Variants in UBE2R2 observed in about 807,000 individuals in gnomAD.
UBE2R2 encodes ubiquitin-conjugating enzyme E2 R2.
UBE2R2 carries 1 observed loss-of-function variant against 27.8 expected under a neutral mutation model. That is an observed-to-expected ratio of 0.04 (90% CI 0.01 to 0.17). UBE2R2 has a LOEUF of 0.17. Among genes scored for constraint, UBE2R2 ranks in the 10% least tolerant of loss-of-function variants. The probability of loss-of-function intolerance (pLI) is 1.00; values close to 1 mark genes in which losing one functional copy is unlikely to be tolerated. For synonymous variants in UBE2R2, 106 were observed against 113.3 expected (o/e 0.94, Z 0.41); for missense variants, 100 against 291.0 (o/e 0.34, Z 4.78).
At chr9:33,897,780 T>C (rs1013590116) in intron 2 of UBE2R2, among the ~76,000 whole-genome samples, 19 of 149,674 alleles carry the variant, frequency 1.3e-4, no homozygotes, top group Admixed American at 1.0e-3. Context: ...TTTTTCTTTT[T>C]TTTTTTTTTT....
At chr9:33,878,987 T>C (rs1338632750) in intron 1 of UBE2R2, among the ~76,000 whole-genome samples, 2 of 152,000 alleles carry the variant, frequency 1.3e-5, no homozygotes, top group Non-Finnish European at 2.9e-5. Flanking sequence ...CTACACAGAG[T>C]ACCCAGCATT....
rs201092112 is a variant in UBE2R2, at chr9:33,820,104, CAAACA to C, written c.177+2190_177+2194del. 2.7e-3 allele frequency among the ~76,000 whole-genome samples: 405 copies of C among 152,116 alleles called. 4 individuals are homozygous for C. The highest frequency in any genetic ancestry group is 6.6e-3 in the African/African-American group (273 of 41,502). ...ACTCCAATAAAGTTAAAAACAAGAGCAAACAAAACAAAACAAAACAAAACTTGTAC... is the reference window on the plus strand; with the variant it reads ...ACTCCAATAAAGTTAAAAACAAGAGCAAACAAAACAAAACAAAACTTGTAC... On this transcript the variant is annotated intron_variant, in intron 1 of 4. Transcript: ENST00000263228.
chr9:33,912,009 C>A lies in UBE2R2; in HGVS notation c.408C>A (p.Thr136=). 1 of 1,613,890 alleles carries A rather than the reference C, an allele frequency of 6.2e-7. No homozygotes were observed. The highest frequency in any genetic ancestry group is 8.5e-7 in the Non-Finnish European group (1 of 1,179,916). Residue 136 remains threonine, a synonymous_variant, in exon 4 of 5, where the codon ACC becomes ACA. Coordinates refer to ENST00000263228, the MANE Select transcript of UBE2R2 (RefSeq NM_017811.4). ...SVISLLNEPN[T]FSPANVDASV... is the part of the protein sequence containing the mutation. ...TCTCACTGCTTAATGAGCCCAACAC[C>A]TTCTCCCCAGCCAATGTCGATGCTT...
intron 1 of UBE2R2, among the ~76,000 whole-genome samples, chr9:33,876,506 A>G (rs142164434): frequency 3.2e-4 from 48 of 152,334 alleles, no homozygotes; most frequent in African/African-American, 1.1e-3. Context: ...TGAGGATTGT[A>G]AACTCCGCTG....
chr9:33,832,684 A>G (rs1248952861), intron 1 of UBE2R2, among the ~76,000 whole-genome samples: 1 of 151,852 alleles, frequency 6.6e-6, no homozygotes, highest in Non-Finnish European at 1.5e-5. Context: ...AAAGAAAGAA[A>G]GAAATTATTT....
intron 1 of UBE2R2, among the ~76,000 whole-genome samples, chr9:33,818,260 C>T (rs1563977500): frequency 6.6e-6 from 1 of 151,774 alleles, no homozygotes; most frequent in African/African-American, 2.4e-5. Context: ...GAGCGGTGGT[C>T]TATCTGTGCT....
chr9:33,899,242 G>A (rs924014985), intron 2 of UBE2R2, among the ~76,000 whole-genome samples: 1 of 151,858 alleles, frequency 6.6e-6, no homozygotes, highest in East Asian at 1.9e-4. Context: ...GAGTCTCATT[G>A]TGTTGCCCAG....
Position 33,853,717 on chromosome 9 carries a change from A to G in UBE2R2, c.178-33164A>G, listed in dbSNP as rs1347708257. Among the ~76,000 whole-genome samples, 4 of 149,082 alleles carry G rather than the reference A, an allele frequency of 2.7e-5. No individual in the cohort carries two copies. In the East Asian group the frequency reaches 7.9e-4, roughly 29 times the overall value. On this transcript the variant is annotated intron_variant, in intron 1 of 4. Transcript: ENST00000263228. ...ATGATTAATCACAGTCCTCAGTTTT[A>G]TGGCCCATGTTGTCATTGGTCTGTG... is the stretch of plus-strand genomic sequence containing the variant.
At chr9:33,837,625 G>C (rs1450590746) in intron 1 of UBE2R2, among the ~76,000 whole-genome samples, 2 of 151,922 alleles carry the variant, frequency 1.3e-5, no homozygotes, top group African/African-American at 2.4e-5. Flanking sequence ...GGGTTTTGCT[G>C]TGTTGCCCAG....
At chr9:33,903,945 T>G (rs1411277600) in intron 3 of UBE2R2, among the ~76,000 whole-genome samples, 1 of 152,228 alleles carries the variant, frequency 6.6e-6, no homozygotes, top group Non-Finnish European at 1.5e-5. Flanking sequence ...CTTAGACTTT[T>G]TATCACTTAG....
intron 1 of UBE2R2, among the ~76,000 whole-genome samples, chr9:33,829,776 TTTAGA>T (rs1820403454): frequency 1.3e-5 from 2 of 151,658 alleles, no homozygotes; most frequent in South Asian, 2.1e-4. Flanking sequence ...TTACAGCATC[TTTAGA>T]TTAGTGCAAT....
chr9:33,906,232 C>T (rs1822353933), intron 3 of UBE2R2, among the ~76,000 whole-genome samples: 1 of 152,146 alleles, frequency 6.6e-6, no homozygotes, highest in Non-Finnish European at 1.5e-5. Context: ...AAGCAATTCT[C>T]CTGCCTCAGC....
intron 1 of UBE2R2, among the ~76,000 whole-genome samples, chr9:33,828,251 G>A (rs971606613): frequency 1.4e-5 from 2 of 147,326 alleles, no homozygotes; most frequent in African/African-American, 5.0e-5. Flanking sequence ...GCAGTGAGCC[G>A]AGATCCCACC....
At chr9:33,887,585 T>C (rs530301220) in intron 2 of UBE2R2, among the ~76,000 whole-genome samples, 34 of 152,320 alleles carry the variant, frequency 2.2e-4, no homozygotes, top group African/African-American at 6.7e-4. Flanking sequence ...CAGGTTGATA[T>C]ATGAGGGCCC....
chr9:33,919,231 G>A lies in UBE2R2; in HGVS notation c.*1994G>A, dbSNP rs1160512289. Reference sequence around the variant, plus strand: ...TTACTCCCCATACTTTGTAAGTAATGCTTCCAGATTAACCTGCAAATCTTG... The same window carrying A: ...TTACTCCCCATACTTTGTAAGTAATACTTCCAGATTAACCTGCAAATCTTG... On this transcript the variant is annotated 3_prime_UTR_variant, in exon 5 of 5. Transcript: ENST00000263228. 2 of 152,190 alleles carry A rather than the reference G, an allele frequency of 1.3e-5. No homozygotes were observed. Among genetic ancestry groups the A allele is most frequent in the Non-Finnish European group, 2.9e-5 (2 of 68,038 alleles). 9.4% of individuals were successfully genotyped at this position (152,190 alleles called of 1,614,324 possible).
chr9:33,838,254 C>CT (rs140248074), intron 1 of UBE2R2, among the ~76,000 whole-genome samples: 11,121 of 138,576 alleles, frequency 0.08, 627 homozygotes, highest in Non-Finnish European at 0.12. Flanking sequence ...TTTTTTATTG[C>CT]TTTTTTTACT....
At chr9:33,858,786 C>T (rs1432311672) in intron 1 of UBE2R2, among the ~76,000 whole-genome samples, 2 of 151,940 alleles carry the variant, frequency 1.3e-5, no homozygotes, top group African/African-American at 2.4e-5. Flanking sequence ...AGTGTATTCT[C>T]TTTACATTTC....
intron 1 of UBE2R2, among the ~76,000 whole-genome samples, chr9:33,829,091 G>A (rs908246002): frequency 6.6e-6 from 1 of 152,036 alleles, no homozygotes; most frequent in Non-Finnish European, 1.5e-5. Flanking sequence ...GGCTGGGATT[G>A]AATTTACCTC....
At chr9:33,833,689 TG>T (rs1233544254) in intron 1 of UBE2R2, among the ~76,000 whole-genome samples, 1 of 152,218 alleles carries the variant, frequency 6.6e-6, no homozygotes, top group Non-Finnish European at 1.5e-5. Context: ...TACAGTTCAG[TG>T]ACATTAAGTA....
Sources: gnomAD v4.1 joint callset for allele counts (sites outside exome capture counted in the v4.1 genomes callset) on GRCh38, gnomAD v4.1.1 for gene constraint, MANE v1.5 for transcripts, NCBI Gene and HGNC (gene_info 2026-07-23, HGNC 2026-07-21) for gene names.